INO80: variants seen among roughly 807,000 people sequenced by gnomAD.
The protein encoded by INO80 is chromatin-remodeling ATPase INO80.
A neutral mutation model predicts 203.4 loss-of-function variants in INO80; 20 were observed. That is an observed-to-expected ratio of 0.10 (90% CI 0.07 to 0.14). The LOEUF (loss-of-function observed/expected upper bound fraction) is 0.14, where lower values mean the gene tolerates loss of function less well. Among genes scored for constraint, INO80 ranks in the 10% least tolerant of loss-of-function variants. INO80 has a pLI of 1.00. For synonymous variants in INO80, 726 were observed against 685.2 expected (o/e 1.06, Z -0.93); for missense variants, 1,419 against 1,914.4 (o/e 0.74, Z 4.83).
At chr15:41,101,815 G>C (rs533461109) in intron 1 of INO80, among the ~76,000 whole-genome samples, 2 of 151,906 alleles carry the variant, frequency 1.3e-5, no homozygotes, top group South Asian at 2.1e-4. Context: ...CTCCCAAAGT[G>C]CTGGGATTAC....
intron 29 of INO80, among the ~76,000 whole-genome samples, chr15:40,990,942 C>T (rs1396003854): frequency 6.6e-6 from 1 of 152,022 alleles, no homozygotes; most frequent in Non-Finnish European, 1.5e-5. Context: ...TGATGTCACA[C>T]CCAAAAGACA....
At chr15:41,102,522 G>A (rs1198114389) in intron 1 of INO80, among the ~76,000 whole-genome samples, 1 of 151,702 alleles carries the variant, frequency 6.6e-6, no homozygotes, top group Admixed American at 6.6e-5. Flanking sequence ...ACAAAAATTA[G>A]CCAGGTGTGG....
chr15:40,991,277 G>A (rs2043813652), intron 29 of INO80, among the ~76,000 whole-genome samples: 1 of 152,142 alleles, frequency 6.6e-6, no homozygotes. Flanking sequence ...GAAAAAAATA[G>A]GATTGTTTAG....
chr15:41,112,259 T>C (rs887292259), intron 1 of INO80, among the ~76,000 whole-genome samples: 3 of 152,272 alleles, frequency 2.0e-5, no homozygotes, highest in Non-Finnish European at 4.4e-5. Flanking sequence ...AAAAATAGAA[T>C]AGTGGTTCTG....
chr15:41,001,313 G>A (rs1443660411), intron 28 of INO80, among the ~76,000 whole-genome samples: 1 of 152,130 alleles, frequency 6.6e-6, no homozygotes, highest in East Asian at 1.9e-4. Context: ...AAACCACACA[G>A]CAAAGACATG....
intron 31 of INO80, among the ~76,000 whole-genome samples, chr15:40,985,824 C>T (rs1283425534): frequency 3.3e-5 from 5 of 152,056 alleles, no homozygotes; most frequent in African/African-American, 1.2e-4. Flanking sequence ...AGGAGGACTG[C>T]CTGAGCCCAG....
At position 40,983,882 on chromosome 15, in the gene INO80, G is replaced by A; in HGVS notation, c.4117C>T (p.Leu1373=). 1 of 1,613,574 alleles carries A rather than the reference G, an allele frequency of 6.2e-7. No homozygotes were observed. Among genetic ancestry groups the A allele is most frequent in the Non-Finnish European group, 8.5e-7 (1 of 1,179,950 alleles). The part of the protein sequence containing the change: ...SSELHTGSIP[L]DESSSDMLVI... Reference sequence around the variant, plus strand: ...AGCATGTCACTGCTGCTCTCGTCCAGGGGAATGGAGCCAGTGTGCAGCTCA... The same window carrying A: ...AGCATGTCACTGCTGCTCTCGTCCAAGGGAATGGAGCCAGTGTGCAGCTCA... Residue 1373 remains leucine, a synonymous_variant, in exon 34 of 36, where the codon CTG becomes TTG. Coordinates refer to ENST00000648947, the MANE Select transcript of INO80 (RefSeq NM_017553.3).
At chr15:41,009,099 T>C (rs986647668) in intron 27 of INO80, among the ~76,000 whole-genome samples, 2 of 152,354 alleles carry the variant, frequency 1.3e-5, no homozygotes, top group Non-Finnish European at 2.9e-5. Context: ...CCCAAAGTGC[T>C]GGGATTGCAG....
At chr15:41,049,739 A>G (rs1415976043) in intron 20 of INO80, among the ~76,000 whole-genome samples, 196 bp downstream of exon 20, 4 of 152,150 alleles carry the variant, frequency 2.6e-5, no homozygotes, top group Non-Finnish European at 5.9e-5. Context: ...TACAAAAATT[A>G]GCCAGGCGTG....
chr15:41,017,970 T>A (rs949704840), intron 26 of INO80: 7 of 152,218 alleles, frequency 4.6e-5, no homozygotes, highest in African/African-American at 1.4e-4. Context: ...AAAGCTTTCA[T>A]AACAACTTTT....
intron 5 of INO80, 97 bp downstream of exon 5, chr15:41,091,930 G>T: frequency 9.9e-7 from 1 of 1,010,944 alleles, no homozygotes; most frequent in Non-Finnish European, 1.5e-6. Context: ...GGGATTATAG[G>T]TGTGAGCCAC....
rs1218179594 is a variant in INO80, at chr15:41,071,705, C to A, written c.1605+144G>T. 7.9e-6 allele frequency: 5 copies of A among 636,900 alleles called. No homozygotes were observed. The East Asian group carries it at 9.1e-5, about 12-fold the overall frequency. 39.5% of individuals were successfully genotyped at this position (636,900 alleles called of 1,614,324 possible). A position where few individuals can be genotyped will look rare whatever the true frequency, so the allele number is the denominator to read the frequency against. On this transcript the variant is annotated intron_variant, in intron 12 of 35. Transcript: ENST00000648947. ...CGAACTCCCAACCTCAGGTGATCCG[C>A]CTGCCTTGGCCTCCCAAAGTGCTGG... is the stretch of plus-strand genomic sequence containing the variant.
At chr15:41,105,807 C>T (rs2045872350) in intron 1 of INO80, among the ~76,000 whole-genome samples, 1 of 152,128 alleles carries the variant, frequency 6.6e-6, no homozygotes, top group African/African-American at 2.4e-5. Context: ...CGACATAACC[C>T]ATTAACGTGA....
At chr15:41,049,479 C>G in intron 20 of INO80, 59 bp from the exon 21 acceptor site, 2 of 1,506,964 alleles carry the variant, frequency 1.3e-6, no homozygotes, top group East Asian at 4.5e-5. Flanking sequence ...TACGTAATGA[C>G]AGGGGATCCC....
Position 41,085,550 on chromosome 15 carries a change from C to T in INO80, c.692G>A (p.Arg231Lys), listed in dbSNP as rs2045550440. 6.2e-7 allele frequency: 1 copy of T among 1,614,152 alleles called. No individual in the cohort carries two copies. The highest frequency in any genetic ancestry group is 1.1e-5 in the South Asian group (1 of 91,082). The change falls in exon 7 of 36, where the codon AGA becomes AAA. Residue 231 changes from arginine to lysine, a missense_variant. Arg to Lys is a conservative substitution (Grantham distance 26). Transcript: ENST00000648947. ...KLKKVKKKRR[R>K]DEELSSEESP... ...TTCTTCAGAGGAAAGTTCTTCATCTCTTCGTCTTTTTTTCTTCACTTTTTT... is the reference window on the plus strand; with the variant it reads ...TTCTTCAGAGGAAAGTTCTTCATCTTTTCGTCTTTTTTTCTTCACTTTTTT...
chr15:41,055,844 T>C (rs1470839363), intron 17 of INO80, among the ~76,000 whole-genome samples: 3 of 152,196 alleles, frequency 2.0e-5, no homozygotes, highest in Non-Finnish European at 4.4e-5. Flanking sequence ...GGCTACTTTA[T>C]TACACAAGCA....
At chr15:41,075,903 C>A (rs2045395461) in intron 9 of INO80, among the ~76,000 whole-genome samples, 1 of 152,128 alleles carries the variant, frequency 6.6e-6, no homozygotes, top group Non-Finnish European at 1.5e-5. Context: ...AGCCACCACA[C>A]CGGCCCTAAA....
chr15:41,112,007 CA>C (rs889004968), intron 1 of INO80, among the ~76,000 whole-genome samples: 3 of 152,180 alleles, frequency 2.0e-5, no homozygotes, highest in African/African-American at 7.2e-5. Context: ...CAGGCTCAAC[CA>C]AACCTCCCAT....
intron 26 of INO80, chr15:41,016,682 A>G (rs1272192350): frequency 6.6e-6 from 1 of 152,480 alleles, no homozygotes; most frequent in African/African-American, 2.4e-5. Context: ...AAAGAGATTT[A>G]TAACCTCTCT....
Sources: allele counts gnomAD v4.1 joint callset (sites outside exome capture counted in the v4.1 genomes callset), GRCh38; gene constraint gnomAD v4.1.1; transcripts MANE v1.5; gene names NCBI Gene and HGNC (gene_info 2026-07-23, HGNC 2026-07-21).